The following TNFSF11 variants were observed in gnomAD, a reference collection of about 807,000 sequenced individuals.
TNFSF11 encodes TNF superfamily member 11.
TNFSF11 carries 12 observed loss-of-function variants against 32.2 expected under a neutral mutation model. That is an observed-to-expected ratio of 0.37 (90% CI 0.24 to 0.60). TNFSF11 has a LOEUF of 0.60. Among genes scored for constraint, TNFSF11 ranks in the 20% least tolerant of loss-of-function variants. The pLI, the probability that TNFSF11 is intolerant of heterozygous loss-of-function variation, is 0.66. For synonymous variants in TNFSF11, 172 were observed against 152.1 expected (o/e 1.13, Z -0.96); for missense variants, 345 against 398.0 (o/e 0.87, Z 1.13).
chr13:42,576,744 A>G (rs1873336197), intron 1 of TNFSF11, among the ~76,000 whole-genome samples: 1 of 152,228 alleles, frequency 6.6e-6, no homozygotes, highest in Non-Finnish European at 1.5e-5. Context: ...TACCCAAAGG[A>G]GTCCTAATCA....
chr13:42,593,922 G>A (rs1868639750), intron 2 of TNFSF11, among the ~76,000 whole-genome samples: 2 of 152,140 alleles, frequency 1.3e-5, no homozygotes, highest in African/African-American at 4.8e-5. Context: ...TCTGTGCTCT[G>A]ATTGACAGGT....
intron 2 of TNFSF11, among the ~76,000 whole-genome samples, chr13:42,597,338 T>TTC (rs1868871522): frequency 3.1e-5 from 2 of 63,804 alleles, no homozygotes; most frequent in Admixed American, 4.4e-4. Context: ...AAGCCTTTTG[T>TTC]TCTTTTTTTT....
In TNFSF11 at chr13:42,574,389, C is replaced by T; in HGVS notation, c.86C>T (p.Pro29Leu). ...GGGPGAPHEGPLHAPPPPAPH... is the reference protein window; with the variant it reads ...GGGPGAPHEGLLHAPPPPAPH... ...GGCCCCGGAGCCCCGCACGAGGGCCCCCTGCACGCCCCGCCGCCGCCTGCG... is the reference window on the plus strand; with the variant it reads ...GGCCCCGGAGCCCCGCACGAGGGCCTCCTGCACGCCCCGCCGCCGCCTGCG... The change falls in exon 1 of 5, where the codon CCC becomes CTC. Residue 29 changes from proline (P) to leucine (L), a missense_variant. Transcript: ENST00000398795. 1.3e-6 allele frequency: 2 copies of T among 1,549,672 alleles called. No individual in the cohort carries two copies. The highest frequency in any genetic ancestry group is 1.7e-6 in the Non-Finnish European group (2 of 1,149,192).
intron 2 of TNFSF11, among the ~76,000 whole-genome samples, chr13:42,586,055 G>T (rs910357800): frequency 6.6e-6 from 1 of 152,186 alleles, no homozygotes; most frequent in Non-Finnish European, 1.5e-5. Context: ...GCTTTTAAAA[G>T]CTGTGCTTTA....
At chr13:42,573,304 C>T (rs1016239417), upstream of TNFSF11, among the ~76,000 whole-genome samples, 1 of 152,076 alleles carries the variant, frequency 6.6e-6, no homozygotes, top group African/African-American at 2.4e-5. Context: ...CAGCAACTTC[C>T]TTCTGAAGAA....
At chr13:42,600,660 T>C (rs1417694492) in intron 2 of TNFSF11, 92 bp from the exon 3 acceptor site, 6 of 1,349,570 alleles carry the variant, frequency 4.4e-6, no homozygotes, top group Non-Finnish European at 6.1e-6. Flanking sequence ...GAAAAGAGGG[T>C]TAATTTGTTG....
intron 2 of TNFSF11, among the ~76,000 whole-genome samples, chr13:42,594,818 T>C (rs1004924292): frequency 6.6e-6 from 1 of 152,198 alleles, no homozygotes; most frequent in African/African-American, 2.4e-5. Context: ...TTCTTGGATG[T>C]TGAGTTCAGG....
intron 2 of TNFSF11, among the ~76,000 whole-genome samples, chr13:42,598,758 A>G (rs1470312560): frequency 6.6e-6 from 1 of 152,258 alleles, no homozygotes; most frequent in African/African-American, 2.4e-5. Context: ...GAGCAGCTTA[A>G]TAATGAAATT....
chr13:42,569,714 C>T (rs1192176796), upstream of TNFSF11, among the ~76,000 whole-genome samples: 3 of 152,056 alleles, frequency 2.0e-5, no homozygotes, highest in Non-Finnish European at 2.9e-5. Context: ...GAAGATGGAT[C>T]CTCTCCGGAG....
At chr13:42,601,138 T>A (rs1869153832) in intron 4 of TNFSF11, among the ~76,000 whole-genome samples, 157 bp downstream of exon 4, 1 of 152,228 alleles carries the variant, frequency 6.6e-6, no homozygotes, top group African/African-American at 2.4e-5. Context: ...ATGATTCACA[T>A]CCTGGAAACT....
At chr13:42,569,559 AAAGAAAAG>A (rs1320287237), upstream of TNFSF11, among the ~76,000 whole-genome samples, 2 of 63,808 alleles carry the variant, frequency 3.1e-5, no homozygotes, top group Non-Finnish European at 9.0e-5. Flanking sequence ...AAAAAAAAAA[AAAGAAAAG>A]AAAAGAAAAG....
intron 2 of TNFSF11, among the ~76,000 whole-genome samples, chr13:42,591,857 T>A (rs1868498820): frequency 6.6e-6 from 1 of 152,188 alleles, no homozygotes; most frequent in East Asian, 1.9e-4. Context: ...GATGAAACAC[T>A]GGCTAAGGCA....
intron 2 of TNFSF11, among the ~76,000 whole-genome samples, chr13:42,592,178 T>C (rs1002999443): frequency 1.3e-5 from 2 of 152,218 alleles, no homozygotes; most frequent in African/African-American, 4.8e-5. Flanking sequence ...AATTCAATTA[T>C]GATACTAACT....
chr13:42,581,010 T>C (rs1188609435), intron 1 of TNFSF11, 116 bp from the exon 2 acceptor site: 23 of 1,059,758 alleles, frequency 2.2e-5, no homozygotes, highest in Admixed American at 8.9e-5. Flanking sequence ...CTATTCATTG[T>C]TGGGGACATA....
chr13:42,573,915 A>G (rs1873164828), upstream of TNFSF11, among the ~76,000 whole-genome samples: 1 of 152,174 alleles, frequency 6.6e-6, no homozygotes, highest in African/African-American at 2.4e-5. Context: ...ACCTCCAGAA[A>G]GACAGCTGAG....
chr13:42,579,938 G>C (rs924433441), intron 1 of TNFSF11, among the ~76,000 whole-genome samples: 17 of 151,882 alleles, frequency 1.1e-4, no homozygotes, highest in African/African-American at 3.9e-4. Flanking sequence ...TTAAAAGGCT[G>C]TCATTTCATT....
At chr13:42,571,969 A>G (rs931752785), upstream of TNFSF11, among the ~76,000 whole-genome samples, 3 of 152,256 alleles carry the variant, frequency 2.0e-5, no homozygotes, top group African/African-American at 7.2e-5. Context: ...ACAGAGGTGA[A>G]TAATACAGCA....
intron 2 of TNFSF11, among the ~76,000 whole-genome samples, chr13:42,600,269 A>G (rs1287933655): frequency 6.6e-6 from 1 of 152,184 alleles, no homozygotes; most frequent in Non-Finnish European, 1.5e-5. Context: ...TAAAGTAAAA[A>G]ATTAACCACT....
chr13:42,590,378 C>T (rs1260342997), intron 2 of TNFSF11, among the ~76,000 whole-genome samples: 3 of 152,178 alleles, frequency 2.0e-5, no homozygotes, highest in African/African-American at 7.2e-5. Flanking sequence ...CTCTTTGGAG[C>T]GTGAACACGT....
Sources: allele counts gnomAD v4.1 joint callset (sites outside exome capture counted in the v4.1 genomes callset), GRCh38; gene constraint gnomAD v4.1.1; transcripts MANE v1.5; gene names NCBI Gene and HGNC (gene_info 2026-07-23, HGNC 2026-07-21).